Variants in HYDIN observed in about 807,000 individuals in gnomAD.
The protein encoded by HYDIN is HYDIN axonemal central pair apparatus protein, also known as axonemal central pair apparatus protein HYDIN.
In HYDIN, 132 loss-of-function variants were observed where a neutral mutation model predicts 403.9. The ratio of observed to expected loss-of-function variants is 0.33; its 90% CI spans 0.28 to 0.38. HYDIN has a LOEUF of 0.38. HYDIN is among the 10% of genes least tolerant of loss of function. The probability of loss-of-function intolerance (pLI) is 1.00; values close to 1 mark genes in which losing one functional copy is unlikely to be tolerated. For missense variants in HYDIN, 2,827 were observed against 5,009.5 expected (o/e 0.56, Z 13.15); for synonymous variants, 1,202 against 1,891.7 (o/e 0.64, Z 9.46).
At chr16:71,166,069 G>C (rs1567398307) in intron 5 of HYDIN, among the ~76,000 whole-genome samples, 4 of 148,630 alleles carry the variant, frequency 2.7e-5, no homozygotes, top group Non-Finnish European at 1.5e-5. Flanking sequence ...GGAAGAGGGA[G>C]GCCAGTTAGG....
intron 1 of HYDIN, among the ~76,000 whole-genome samples, chr16:71,217,037 G>C (rs1239069518): frequency 1.3e-5 from 2 of 152,218 alleles, no homozygotes; most frequent in Non-Finnish European, 1.5e-5. Context: ...ACTGATAGCA[G>C]TAGGTACCTT....
chr16:70,956,248 A>G (rs1347307585), intron 39 of HYDIN, among the ~76,000 whole-genome samples: 3 of 69,282 alleles, frequency 4.3e-5, no homozygotes, highest in African/African-American at 2.0e-4. Flanking sequence ...ATTTCAAGGT[A>G]CTTTCATTAC....
At chr16:71,005,337 G>A (rs1275959364) in intron 23 of HYDIN, among the ~76,000 whole-genome samples, 9 of 152,052 alleles carry the variant, frequency 5.9e-5, no homozygotes, top group African/African-American at 1.9e-4. Flanking sequence ...TGGTTTAGAT[G>A]AGGTCATGAG....
chr16:71,226,954 G>T (rs777337870), intron 1 of HYDIN, among the ~76,000 whole-genome samples: 4 of 152,002 alleles, frequency 2.6e-5, no homozygotes, highest in Admixed American at 2.0e-4. Flanking sequence ...CCCAAATAAA[G>T]CCTTCTTCCC....
intron 40 of HYDIN, among the ~76,000 whole-genome samples, chr16:70,953,723 C>G (rs1296454199): frequency 1.3e-5 from 2 of 151,204 alleles, no homozygotes; most frequent in East Asian, 1.9e-4. Flanking sequence ...ATGTTATTTT[C>G]TCAGACCAGG....
At chr16:71,077,234 G>A (rs2082647953) in intron 13 of HYDIN, among the ~76,000 whole-genome samples, 1 of 151,984 alleles carries the variant, frequency 6.6e-6, no homozygotes, top group Non-Finnish European at 1.5e-5. Context: ...TATAATATCT[G>A]ATAAAGTCCA....
At chr16:71,078,727 A>AT (rs1279132059) in intron 13 of HYDIN, among the ~76,000 whole-genome samples, 6 of 152,050 alleles carry the variant, frequency 3.9e-5, no homozygotes, top group Non-Finnish European at 8.8e-5. Flanking sequence ...GCTGGTCTTG[A>AT]ACTCCTGGGC....
chr16:71,020,100 A>G, intron 22 of HYDIN, 74 bp downstream of exon 22: 1 of 1,451,864 alleles, frequency 6.9e-7, no homozygotes, highest in Non-Finnish European at 9.4e-7. Flanking sequence ...GTGGTGTATC[A>G]TTACTCTTCT....
intron 71 of HYDIN, among the ~76,000 whole-genome samples, chr16:70,858,938 G>T (rs1446214188): frequency 6.6e-6 from 1 of 150,580 alleles, no homozygotes; most frequent in Non-Finnish European, 1.5e-5. Flanking sequence ...GTTTTGTTTG[G>T]TTTGGGAATT....
At chr16:70,902,734 TC>T (rs1346356584) in intron 52 of HYDIN, among the ~76,000 whole-genome samples, 1 of 147,044 alleles carries the variant, frequency 6.8e-6, no homozygotes, top group Non-Finnish European at 1.5e-5. Flanking sequence ...TTGCTAAGCT[TC>T]TTGGAACTAT....
At chr16:71,009,912 GC>G (rs1443524070) in intron 23 of HYDIN, among the ~76,000 whole-genome samples, 9 of 119,622 alleles carry the variant, frequency 7.5e-5, no homozygotes, top group Non-Finnish European at 9.8e-5. Context: ...CTTGGTTCTG[GC>G]CCAGTGAAAC....
Position 71,130,483 on chromosome 16 carries a change from T to TG in HYDIN, c.1044-661_1044-660insC, listed in dbSNP as rs1290002708. On this transcript the variant is annotated intron_variant, in intron 8 of 85. Transcript: ENST00000393567. ...CCATATATACCGGTTTTTTTTTTTT[T>TG]TTTTTTTTTTTTTTTGAGACGGAGT... 8.6e-4 allele frequency among the ~76,000 whole-genome samples: 119 copies of TG among 138,806 alleles called. 4 individuals carry two copies. The East Asian group carries it at 0.024, about 28-fold the overall frequency. The allele number at this position is 138,806 out of a possible 152,430, so 91.1% of individuals were successfully genotyped here. A position where few individuals can be genotyped will look rare whatever the true frequency, so the allele number is the denominator to read the frequency against.
intron 18 of HYDIN, among the ~76,000 whole-genome samples, chr16:71,058,641 T>G (rs1189538556): frequency 6.8e-6 from 1 of 146,508 alleles, no homozygotes; most frequent in African/African-American, 2.5e-5. Flanking sequence ...AAAAAGAAAT[T>G]CCTAAACTCT....
chr16:71,224,786 C>T (rs2040960839), intron 1 of HYDIN, among the ~76,000 whole-genome samples: 1 of 151,946 alleles, frequency 6.6e-6, no homozygotes, highest in Admixed American at 6.5e-5. Context: ...TGGTCTCGAT[C>T]TCCTGACCTC....
At chr16:70,910,016 A>AT (rs1388508166) in intron 47 of HYDIN, among the ~76,000 whole-genome samples, 10 of 151,758 alleles carry the variant, frequency 6.6e-5, no homozygotes, top group Non-Finnish European at 1.3e-4. Flanking sequence ...ATTTATAGAC[A>AT]TTTTTTCCCA....
intron 10 of HYDIN, among the ~76,000 whole-genome samples, chr16:71,100,130 A>G (rs2083411302): frequency 1.3e-5 from 2 of 152,230 alleles, no homozygotes. Flanking sequence ...TCTATTTATA[A>G]TAGCAACAAA....
In HYDIN at chr16:70,810,293, G is replaced by A. The variant is rs79926541; in HGVS notation, c.14659-286C>T. The stretch of plus-strand genomic sequence containing the variant: ...CACATAGGGAGATGTGGAGATGGGT[G>A]AGTGCTGCCAGTAGGAGGGCTGAAG... On this transcript the variant is annotated intron_variant, in intron 84 of 85. Coordinates refer to ENST00000393567, the MANE Select transcript of HYDIN (RefSeq NM_001270974.2). Among the ~76,000 whole-genome samples, 1,359 of 152,286 alleles carry A rather than the reference G, an allele frequency of 8.9e-3. 10 individuals are homozygous for A. The highest frequency in any genetic ancestry group is 0.085 in the Middle Eastern group (25 of 294).
At chr16:70,914,389 T>C (rs2076779855) in intron 47 of HYDIN, among the ~76,000 whole-genome samples, 1 of 152,062 alleles carries the variant, frequency 6.6e-6, no homozygotes, top group Admixed American at 6.6e-5. Flanking sequence ...CTTTCCTTCA[T>C]ATACGATGCT....
chr16:71,182,534 T>G (rs575997263), intron 3 of HYDIN, among the ~76,000 whole-genome samples: 2 of 152,256 alleles, frequency 1.3e-5, no homozygotes, highest in South Asian at 4.1e-4. Flanking sequence ...AACTCCAAAG[T>G]GTTTGGTCTA....
Sources: gnomAD v4.1 joint callset for allele counts (sites outside exome capture counted in the v4.1 genomes callset) on GRCh38, gnomAD v4.1.1 for gene constraint, MANE v1.5 for transcripts, NCBI Gene and HGNC (gene_info 2026-07-23, HGNC 2026-07-21) for gene names.